PINX1: variants seen among roughly 807,000 people sequenced by gnomAD.
PINX1 encodes PIN2 (TERF1) interacting telomerase inhibitor 1, also known as PIN2/TERF1-interacting telomerase inhibitor 1.
Under a neutral mutation model 25.4 loss-of-function variants are expected in PINX1, and 34 were observed. That is an observed-to-expected ratio of 1.34 (90% CI 1.02 to 1.78). PINX1 has a LOEUF of 1.78. PINX1 is among the 40% of genes most tolerant of loss of function. The probability of loss-of-function intolerance (pLI) is 0.00; values close to 1 mark genes in which losing one functional copy is unlikely to be tolerated. For missense variants in PINX1, 592 were observed against 404.9 expected, an observed-to-expected ratio of 1.46 and a Z score of -3.97; for synonymous variants, 197 against 147.7, an observed-to-expected ratio of 1.33 and a Z score of -2.42.
chr8:10,818,978 G>C (rs1374436945), intron 6 of PINX1, among the ~76,000 whole-genome samples: 2 of 152,332 alleles, frequency 1.3e-5, no homozygotes, highest in East Asian at 3.9e-4. Flanking sequence ...AAGCCAGCCT[G>C]TCTGACCATG....
Position 10,816,932 on chromosome 8 carries a change from T to C in PINX1, c.471+3261A>G, listed in dbSNP as rs113036420. ...TACAGAGGAGATACTGATATTTACA[T>C]GACGGGATTGCTGTGAGGATGAAAT... On this transcript the variant is annotated intron_variant, in intron 6 of 6. Coordinates refer to ENST00000314787, the MANE Select transcript of PINX1 (RefSeq NM_017884.6). Among the ~76,000 whole-genome samples the C allele has an allele frequency of 8.4e-3, 1,275 of 152,310 alleles. 17 individuals carry two copies. Among genetic ancestry groups the C allele is most frequent in the African/African-American group, 0.029 (1,208 of 41,560 alleles).
intron 6 of PINX1, among the ~76,000 whole-genome samples, chr8:10,817,967 A>G (rs1450931793): frequency 6.6e-6 from 1 of 152,204 alleles, no homozygotes; most frequent in Non-Finnish European, 1.5e-5. Context: ...TCCTTTTGTA[A>G]TATAGATACC....
At chr8:10,814,420 T>C (rs1797631305) in intron 6 of PINX1, among the ~76,000 whole-genome samples, 1 of 151,830 alleles carries the variant, frequency 6.6e-6, no homozygotes, top group African/African-American at 2.4e-5. Context: ...CAGAGGAGAG[T>C]CCTTCAAGCA....
chr8:10,824,048 C>T (rs539976208), intron 5 of PINX1, among the ~76,000 whole-genome samples: 1 of 152,182 alleles, frequency 6.6e-6, no homozygotes. Context: ...TATCAGCATA[C>T]CCACTGGCGA....
chr8:10,801,869 C>G (rs1300787255), intron 6 of PINX1, among the ~76,000 whole-genome samples: 1 of 152,176 alleles, frequency 6.6e-6, no homozygotes, highest in East Asian at 1.9e-4. Context: ...TCGCTGACCA[C>G]GGGTATCGTC....
At chr8:10,800,651 G>A (rs1802237418) in intron 6 of PINX1, among the ~76,000 whole-genome samples, 1 of 152,068 alleles carries the variant, frequency 6.6e-6, no homozygotes, top group Non-Finnish European at 1.5e-5. Context: ...TGCATTTTTA[G>A]TAGAGATGGG....
chr8:10,806,535 G>A (rs1255458984), intron 6 of PINX1, among the ~76,000 whole-genome samples: 1 of 152,172 alleles, frequency 6.6e-6, no homozygotes. Context: ...TGATGGATGA[G>A]AAAAGGGTTT....
chr8:10,813,891 G>T (rs1054487157), intron 6 of PINX1, among the ~76,000 whole-genome samples: 1 of 148,920 alleles, frequency 6.7e-6, no homozygotes, highest in Non-Finnish European at 1.5e-5. Flanking sequence ...GGAAGGTGGG[G>T]GAGGGAAAAA....
intron 6 of PINX1, among the ~76,000 whole-genome samples, chr8:10,782,720 A>C (rs1801626019): frequency 6.6e-6 from 1 of 152,176 alleles, no homozygotes; most frequent in Admixed American, 6.5e-5. Flanking sequence ...TGGGCAACAA[A>C]GTGAGATCTG....
At chr8:10,774,235 G>A (rs1801317473) in intron 6 of PINX1, among the ~76,000 whole-genome samples, 1 of 151,896 alleles carries the variant, frequency 6.6e-6, no homozygotes, top group African/African-American at 2.4e-5. Flanking sequence ...AGCAGTTCTT[G>A]AAGATTCTAT....
chr8:10,765,115 CATGT>C lies in PINX1; in HGVS notation c.*282_*285del, dbSNP rs1800986999. On this transcript the variant is annotated 3_prime_UTR_variant, in exon 7 of 7. Transcript: ENST00000314787. ...ACACGTGTGCACACTTACATGAATG[CATGT>C]ATTTGTAATGATTATAATTAAACTC... 1 of 400,776 alleles carries C rather than the reference CATGT, an allele frequency of 2.5e-6. No individual in the cohort carries two copies. Among genetic ancestry groups the C allele is most frequent in the African/African-American group, 2.0e-5 (1 of 49,476 alleles). 24.8% of individuals were successfully genotyped at this position (400,776 alleles called of 1,614,324 possible). A position where few individuals can be genotyped will look rare whatever the true frequency, so the allele number is the denominator to read the frequency against.
intron 6 of PINX1, chr8:10,771,107 G>A (rs928541179): frequency 6.6e-6 from 1 of 152,206 alleles, no homozygotes; most frequent in Non-Finnish European, 1.5e-5. Context: ...GCAAGTGAGT[G>A]GTTTGACAGA....
chr8:10,796,284 C>A (rs559658161), intron 6 of PINX1, among the ~76,000 whole-genome samples: 4 of 152,258 alleles, frequency 2.6e-5, no homozygotes, highest in South Asian at 2.1e-4. Flanking sequence ...TCAAAGACTC[C>A]AGGCATGCGA....
chr8:10,798,607 C>CGT (rs1477222343), intron 6 of PINX1, among the ~76,000 whole-genome samples: 1 of 152,196 alleles, frequency 6.6e-6, no homozygotes, highest in Non-Finnish European at 1.5e-5. Context: ...CACCGATGGC[C>CGT]GTTTAGGAAA....
intron 6 of PINX1, among the ~76,000 whole-genome samples, chr8:10,809,840 C>T (rs915624419): frequency 2.6e-5 from 4 of 152,186 alleles, no homozygotes; most frequent in African/African-American, 9.7e-5. Flanking sequence ...TTGTGTTAGT[C>T]TGTTTTTGTA....
chr8:10,803,565 G>C (rs961249475), intron 6 of PINX1, among the ~76,000 whole-genome samples: 1 of 152,046 alleles, frequency 6.6e-6, no homozygotes, highest in Non-Finnish European at 1.5e-5. Flanking sequence ...CCACATTCTG[G>C]ATTTTTGTTT....
At chr8:10,818,970 G>A (rs994557427) in intron 6 of PINX1, among the ~76,000 whole-genome samples, 1 of 152,202 alleles carries the variant, frequency 6.6e-6, no homozygotes, top group African/African-American at 2.4e-5. Flanking sequence ...ACAACCAGAA[G>A]CCAGCCTGTC....
At chr8:10,795,733 A>G (rs1802064382) in intron 6 of PINX1, among the ~76,000 whole-genome samples, 1 of 152,186 alleles carries the variant, frequency 6.6e-6, no homozygotes, top group African/African-American at 2.4e-5. Context: ...AAGACTCTCA[A>G]AGCATACTGT....
intron 6 of PINX1, among the ~76,000 whole-genome samples, chr8:10,792,656 C>T (rs896024987): frequency 1.2e-4 from 19 of 152,082 alleles, no homozygotes; most frequent in Non-Finnish European, 1.5e-4. Context: ...ACATACACGC[C>T]GCCGGTACTC....
Sources: allele counts gnomAD v4.1 joint callset (sites outside exome capture counted in the v4.1 genomes callset), GRCh38; gene constraint gnomAD v4.1.1; transcripts MANE v1.5; gene names NCBI Gene and HGNC (gene_info 2026-07-23, HGNC 2026-07-21).